Variants in LOC114841035 observed in about 807,000 individuals in gnomAD.
the LOC114841035 span, chr11:64,243,237 GC>G: frequency 6.2e-7 from 1 of 1,613,694 alleles, no homozygotes; most frequent in Non-Finnish European, 8.5e-7. Context: ...ACAGCAGCCT[GC>G]CCCAGAACCA....
At chr11:64,242,442 G>T in the LOC114841035 span, 18 of 1,550,632 alleles carry the variant, frequency 1.2e-5, no homozygotes, top group Non-Finnish European at 1.6e-5. Flanking sequence ...CCTGAGCGCC[G>T]TGGCCACGGC....
chr11:64,243,538 G>A, the LOC114841035 span: 4 of 1,609,120 alleles, frequency 2.5e-6, no homozygotes, highest in South Asian at 1.1e-5. Flanking sequence ...AGTTTGGGGT[G>A]TGTGACTGGG....
At chr11:64,243,821 T>TA in the LOC114841035 span, 1 of 1,613,962 alleles carries the variant, frequency 6.2e-7, no homozygotes. Flanking sequence ...ACTGACTGTT[T>TA]CTTTGTGCAT....
At chr11:64,242,632 C>T in the LOC114841035 span, 3 of 1,453,632 alleles carry the variant, frequency 2.1e-6, no homozygotes, top group Middle Eastern at 2.0e-4. Context: ...GAGTCTGGTT[C>T]TCCATAAGCC....
chr11:64,241,757 G>C, the LOC114841035 span: 1 of 152,554 alleles, frequency 6.6e-6, no homozygotes, highest in Non-Finnish European at 1.5e-5. Flanking sequence ...GGTGGTGTGG[G>C]TGGAGCGGGC....
the LOC114841035 span, chr11:64,243,697 C>T: frequency 7.9e-7 from 1 of 1,273,296 alleles, no homozygotes; most frequent in Non-Finnish European, 1.1e-6. Context: ...TCTGCCCTTG[C>T]CAGGCCTTTG....
the LOC114841035 span, chr11:64,241,732 A>C: frequency 6.6e-6 from 1 of 152,228 alleles, no homozygotes; most frequent in East Asian, 1.9e-4. Context: ...GTAGGCCGAG[A>C]ACTCCACCGG....
chr11:64,242,427 A>C, the LOC114841035 span: 1 of 1,555,620 alleles, frequency 6.4e-7, no homozygotes, highest in Non-Finnish European at 8.7e-7. Flanking sequence ...AGTACTGTCC[A>C]TCTGCCTGAG....
At chr11:64,244,127 G>A in the LOC114841035 span, 3 of 1,354,814 alleles carry the variant, frequency 2.2e-6, no homozygotes, top group Admixed American at 2.0e-5. Context: ...ACACTTAAAA[G>A]CCCAAGGAGT....
At chr11:64,242,486 C>T in the LOC114841035 span, 18 of 1,552,618 alleles carry the variant, frequency 1.2e-5, no homozygotes, top group Non-Finnish European at 1.6e-5. Context: ...AGCTGCAGAT[C>T]GGGGTCAAGA....
the LOC114841035 span, chr11:64,243,404 C>T: frequency 3.7e-6 from 6 of 1,612,212 alleles, no homozygotes; most frequent in Non-Finnish European, 5.1e-6. Context: ...GGATACAAGA[C>T]AAGGGCCCTG....
chr11:64,242,243 GGGCGGTGACCC>G, the LOC114841035 span: 2 of 803,978 alleles, frequency 2.5e-6, no homozygotes, highest in Non-Finnish European at 3.6e-6. Context: ...CCGGGGGAGA[GGGCGGTGACCC>G]GGGACAAAGG....
At chr11:64,243,617 C>G in the LOC114841035 span, 2 of 1,354,818 alleles carry the variant, frequency 1.5e-6, no homozygotes, top group African/African-American at 2.9e-5. Flanking sequence ...CATGCCTCCT[C>G]CAAGTTTGGC....
chr11:64,243,327 A>G, the LOC114841035 span: 3 of 1,599,458 alleles, frequency 1.9e-6, no homozygotes, highest in Non-Finnish European at 2.6e-6. Flanking sequence ...TCATGGGGGA[A>G]TGGGCTTGGG....
chr11:64,244,101 A>T, the LOC114841035 span: 1 of 1,538,356 alleles, frequency 6.5e-7, no homozygotes, highest in South Asian at 1.2e-5. Flanking sequence ...AACAAAAAAC[A>T]AAAACAAACA....
the LOC114841035 span, chr11:64,241,951 C>G: frequency 6.4e-6 from 1 of 156,460 alleles, no homozygotes; most frequent in African/African-American, 2.4e-5. Context: ...CTGCAGCGGC[C>G]GCAGAGGTGT....
the LOC114841035 span, chr11:64,243,631 G>A: frequency 7.9e-7 from 1 of 1,264,308 alleles, no homozygotes; most frequent in African/African-American, 1.5e-5. Flanking sequence ...GTTTGGCTGT[G>A]TCTAGCAGTG....
At chr11:64,244,065 C>A in the LOC114841035 span, 1 of 1,598,092 alleles carries the variant, frequency 6.3e-7, no homozygotes, top group Non-Finnish European at 8.6e-7. Context: ...AGGCCCCCAT[C>A]AGGGACCAGA....
At chr11:64,242,154 C>G in the LOC114841035 span, 1 of 469,708 alleles carries the variant, frequency 2.1e-6, no homozygotes, top group East Asian at 3.7e-5. Flanking sequence ...GCTGTGGCCT[C>G]CCCTGACCCC....
Sources: allele counts gnomAD v4.1 joint callset, GRCh38; gene constraint gnomAD v4.1.1; transcripts MANE v1.5.